Variants in MYBBP1A observed in about 807,000 individuals in gnomAD.
MYBBP1A encodes the protein myb-binding protein 1A.
In MYBBP1A, 147 loss-of-function variants were observed where a neutral mutation model predicts 136.3. The ratio of observed to expected loss-of-function variants is 1.08; its 90% CI spans 0.94 to 1.24. MYBBP1A has a LOEUF of 1.24. MYBBP1A is among the 50% of genes most tolerant of loss of function. The pLI is 0.00. For synonymous variants in MYBBP1A, 947 were observed against 735.8 expected (o/e 1.29, Z -4.65); for missense variants, 2,060 against 1,727.4 (o/e 1.19, Z -3.41).
chr17:4,540,258 GCA>G, intron 25 of MYBBP1A, 88 bp downstream of exon 25: 1 of 1,468,288 alleles, frequency 6.8e-7, no homozygotes, highest in Non-Finnish European at 9.1e-7. Context: ...TGCGTGTGCA[GCA>G]GCGTGTGTGC....
chr17:4,543,012 G>T lies in MYBBP1A; in HGVS notation c.2793C>A (p.Leu931=). The change falls in exon 20 of 26, where the codon CTC becomes CTA. Residue 931 remains leucine (L), a synonymous_variant. Coordinates refer to ENST00000254718, the MANE Select transcript of MYBBP1A (RefSeq NM_014520.4). ...LYHFNASLYL[L]RVLKGNTAEG... ...CAGCAGTGTTGCCCTTCAAGACCCG[G>T]AGCAGGTAGAGAGAGGCGTTGAAGT... is the stretch of plus-strand genomic sequence containing the variant. The T allele has an allele frequency of 6.2e-7, 1 of 1,613,954 alleles. No individual in the cohort carries two copies. The highest frequency in any genetic ancestry group is 8.5e-7 in the Non-Finnish European group (1 of 1,179,990).
intron 13 of MYBBP1A, among the ~76,000 whole-genome samples, chr17:4,546,892 C>T (rs541358719): frequency 2.4e-4 from 36 of 151,730 alleles, no homozygotes; most frequent in Middle Eastern, 6.8e-3. Context: ...AGCAGGTCCC[C>T]GTCCTCCTCT....
rs757482800 is a variant in MYBBP1A, at chr17:4,541,931, G to A, written c.3088-40C>T. 3.7e-5 allele frequency: 57 copies of A among 1,545,562 alleles called. No individual in the cohort carries two copies. In the East Asian group the frequency reaches 4.7e-4, roughly 13 times the overall value. On this transcript the variant is annotated intron_variant, in intron 22 of 25. Coordinates refer to ENST00000254718, the MANE Select transcript of MYBBP1A (RefSeq NM_014520.4). ...AGGTGGGTGGCAGGAGCCTTGGCAC[G>A]TTGGGTGCTCACGGCTCAGGGATGC... is the stretch of plus-strand genomic sequence containing the variant.
chr17:4,552,444 A>G lies in MYBBP1A; in HGVS notation c.737+7T>C, dbSNP rs762522224. ...AGGGAGGGCAAATCCGCCCACCTCC[A>G]TCACACCTGGGGACATTCTCATCTG... is the stretch of plus-strand genomic sequence containing the variant. On this transcript the variant is annotated splice_region_variant and intron_variant, in intron 6 of 25. Transcript: ENST00000254718. The surrounding 1 kb of genome is among the most constrained non-coding windows in gnomAD (Gnocchi z 4.7). 3 of 1,611,666 alleles carry G rather than the reference A, an allele frequency of 1.9e-6. No homozygotes were observed. The highest frequency in any genetic ancestry group is 3.3e-5 in the Admixed American group (2 of 60,014).
rs540719107 is a variant in MYBBP1A at position 4,553,121 on chromosome 17, C to T, written c.562-495G>A. 4.5e-4 allele frequency among the ~76,000 whole-genome samples: 69 copies of T among 152,288 alleles called. 1 individual carries two copies. The highest frequency in any genetic ancestry group is 9.1e-4 in the Non-Finnish European group (62 of 68,022). On this transcript the variant is annotated intron_variant, in intron 5 of 25. Coordinates refer to ENST00000254718, the MANE Select transcript of MYBBP1A (RefSeq NM_014520.4). ...ACAGGCGTGAGCCACCATGCCCGGT[C>T]AAAGCTACCCTTTTAATTATTCCTT...
At position 4,539,831 on chromosome 17, in the gene MYBBP1A, G is replaced by T; in HGVS notation, c.3571C>A (p.Pro1191Thr). The T allele has an allele frequency of 6.2e-7, 1 of 1,610,386 alleles. No homozygotes were observed. The change falls in exon 26 of 26, where the codon CCA becomes ACA. Residue 1191 changes from proline (P) to threonine (T), a missense_variant. By Grantham distance (38) the Pro-to-Thr change is conservative. Transcript: ENST00000254718. The stretch of plus-strand genomic sequence containing the variant: ...GCTGCAGGTGTGCCATCCTCCGCTG[G>T]CGTGCCATCCTCTGACTTGCGTTTC... ...RKKRKSEDGT[P>T]AEDGTPAATG...
chr17:4,540,656 G>C (rs1906329443), intron 24 of MYBBP1A, among the ~76,000 whole-genome samples, 172 bp from the exon 25 acceptor site: 1 of 150,828 alleles, frequency 6.6e-6, no homozygotes, highest in South Asian at 2.1e-4. Context: ...ACCGAGGGAG[G>C]AAACACGCGC....
chr17:4,540,808 C>T (rs943810321), intron 24 of MYBBP1A, among the ~76,000 whole-genome samples: 1 of 152,170 alleles, frequency 6.6e-6, no homozygotes, highest in Non-Finnish European at 1.5e-5. Context: ...GCTGCCAAAG[C>T]GCTTCCCCAC....
At position 4,539,931 on chromosome 17, in the gene MYBBP1A, G is replaced by A. The variant is rs1252474852; in HGVS notation, c.3471C>T (p.Ile1157=). 2 of 1,599,626 alleles carry A rather than the reference G, an allele frequency of 1.3e-6. No homozygotes were observed. The highest frequency in any genetic ancestry group is 2.2e-5 in the East Asian group (1 of 44,868). ...PKLEKKDAKE[I]PSATQSPISK... is the part of the protein sequence containing the mutation. ...TGATGGGGCTCTGGGTGGCACTGGG[G>A]ATCTCCTTGGCATCCTTCTTCTCCA... The change falls in exon 26 of 26, where the codon ATC becomes ATT. Residue 1157 remains isoleucine (I), a synonymous_variant. Transcript: ENST00000254718.
chr17:4,553,942 G>A (rs372691255), intron 4 of MYBBP1A, 25 bp from the exon 5 acceptor site: 60 of 1,613,606 alleles, frequency 3.7e-5, no homozygotes, highest in Non-Finnish European at 4.8e-5. Context: ...GGGACAGAGG[G>A]TATGAGCAGG....
At chr17:4,542,264 G>C (rs8078483) in intron 22 of MYBBP1A, 200 bp downstream of exon 22, 579,585 of 628,616 alleles carry the variant, frequency 0.92, 267,761 homozygotes, top group East Asian at 1. Flanking sequence ...CTCAGCTCCT[G>C]TGTGTTCACT....
At chr17:4,541,691 A>G in intron 23 of MYBBP1A, 93 bp downstream of exon 23, 1 of 1,445,148 alleles carries the variant, frequency 6.9e-7, no homozygotes, top group East Asian at 2.3e-5. Flanking sequence ...CCGACTCTGG[A>G]CTCAGGCTCC....
In MYBBP1A at chr17:4,540,406, T is replaced by C; in HGVS notation, c.3376A>G (p.Thr1126Ala). Residue 1126 changes from threonine (T) to alanine (A), a missense_variant, in exon 25 of 26, where the codon ACC (threonine) becomes GCC (alanine). Physicochemically the swap from Thr to Ala is moderately conservative, Grantham distance 58 (BLOSUM62 0). Transcript: ENST00000254718. ...QQSLQQGAHS[T>A]GSSRLHDLYW... ...AGGTCGTGCAGGCGGCTGGAGCCGG[T>C]GGAGTGTGCCCCCTGCTGTAGGCTC... 1 of 1,610,700 alleles carries C rather than the reference T, an allele frequency of 6.2e-7. No homozygotes were observed. Among genetic ancestry groups the C allele is most frequent in the Non-Finnish European group, 8.5e-7 (1 of 1,179,776 alleles).
rs1260423860 is a variant in MYBBP1A, at chr17:4,545,108, C to G, written c.2228G>C (p.Ser743Thr). The change falls in exon 17 of 26, where the codon AGC becomes ACC. Residue 743 changes from serine to threonine, a missense_variant. Transcript: ENST00000254718. ...GTCCCCGTCGCGCTCCTCCTCCTCG[C>G]TCTCCTCCCCCTCGCTCTCCTCTTC... ...ESEEESEGEE[S>T]EEEERDGDVD... The G allele has an allele frequency of 3.1e-6, 5 of 1,606,466 alleles. No individual in the cohort carries two copies. The African/African-American group carries it at 5.4e-5, about 17-fold the overall frequency.
rs9910749 is a variant in MYBBP1A at position 4,544,941 on chromosome 17, C to T, written c.2311-20G>A. ...TCCACCCTGAGGGACAGAGGCCCAG[C>T]GGTCAGCCAGGCCTCGGGCAGGCAC... is the stretch of plus-strand genomic sequence containing the variant. On this transcript the variant is annotated intron_variant, in intron 17 of 25. Transcript: ENST00000254718. 0.037 allele frequency: 59,283 copies of T among 1,586,842 alleles called. 1,687 individuals carry two copies. Among genetic ancestry groups the T allele is most frequent in the African/African-American group, 0.14 (10,541 of 74,010 alleles).
rs551245091 is a variant in MYBBP1A, at chr17:4,551,904, G to C, written c.999C>G (p.Tyr333Ter). 1 of 1,613,432 alleles carries C rather than the reference G, an allele frequency of 6.2e-7. No individual in the cohort carries two copies. Among genetic ancestry groups the C allele is most frequent in the Non-Finnish European group, 8.5e-7 (1 of 1,179,798 alleles). The change falls in exon 8 of 26, where the codon TAC (tyrosine) becomes TAG (stop). Residue 333 changes from tyrosine to a stop codon, truncating the protein, a stop_gained. Transcript: ENST00000254718. LOFTEE classifies it high-confidence loss of function. The stretch of plus-strand genomic sequence containing the variant: ...CCTTAGCAGTGCACACGTGCTCCCC[G>C]TAATGGCGGATCACGTCTCCCTGCA... ...LVMQGDVIRH[Y>*]GEHVCTAKLP... is the part of the protein sequence containing the mutation.
intron 2 of MYBBP1A, among the ~76,000 whole-genome samples, 153 bp from the exon 3 acceptor site, chr17:4,554,431 T>A (rs1907841911): frequency 1.3e-5 from 2 of 152,102 alleles, no homozygotes; most frequent in Non-Finnish European, 1.5e-5. Flanking sequence ...GCCCCTAGAT[T>A]ACTAGTCTGA....
At position 4,539,771 on chromosome 17, in the gene MYBBP1A, T is replaced by C. The variant is rs753493665; in HGVS notation, c.3631A>G (p.Lys1211Glu). ...TTAGCCTTTGTCCTGTTCCTCTTCT[T>C]CCTGCCCATGCTGGGGGGCTGGCTC... is the stretch of plus-strand genomic sequence containing the variant. ...GGSQPPSMGRKKRNRTKAKVP... is the reference protein window; with the variant it reads ...GGSQPPSMGREKRNRTKAKVP... The change falls in exon 26 of 26, where the codon AAG becomes GAG. Residue 1211 changes from lysine to glutamate, a missense_variant. Physicochemically the swap from Lys to Glu is moderately conservative, Grantham distance 56. Coordinates refer to ENST00000254718, the MANE Select transcript of MYBBP1A (RefSeq NM_014520.4). The C allele has an allele frequency of 6.2e-7, 1 of 1,612,920 alleles. No individual in the cohort carries two copies. The highest frequency in any genetic ancestry group is 1.1e-5 in the South Asian group (1 of 91,056).
chr17:4,545,513 C>G, intron 15 of MYBBP1A, 97 bp downstream of exon 15: 1 of 1,510,030 alleles, frequency 6.6e-7, no homozygotes, highest in Non-Finnish European at 8.9e-7. Context: ...GCCGCAGGCT[C>G]CCGGCAGGGA....
Sources: allele counts gnomAD v4.1 joint callset (sites outside exome capture counted in the v4.1 genomes callset), GRCh38; gene constraint gnomAD v4.1.1; non-coding constraint Gnocchi (gnomAD v3.1); transcripts MANE v1.5; gene names NCBI Gene and HGNC (gene_info 2026-07-23, HGNC 2026-07-21).